Variants in RAB27B observed in about 807,000 individuals in gnomAD.
The protein encoded by RAB27B is RAB27B, member RAS oncogene family.
A neutral mutation model predicts 24.6 loss-of-function variants in RAB27B; 15 were observed. The ratio of observed to expected loss-of-function variants is 0.61; its 90% CI spans 0.41 to 0.94. RAB27B has a LOEUF of 0.94. RAB27B is among the 40% of genes least tolerant of loss of function. The pLI, the probability that RAB27B is intolerant of heterozygous loss-of-function variation, is 0.00. For synonymous variants in RAB27B, 105 were observed against 92.5 expected (o/e 1.14, Z -0.78); for missense variants, 261 against 266.8 (o/e 0.98, Z 0.15).
chr18:54,858,096 T>C (rs1189684367), intron 1 of RAB27B, among the ~76,000 whole-genome samples: 1 of 152,214 alleles, frequency 6.6e-6, no homozygotes, highest in African/African-American at 2.4e-5. Flanking sequence ...GTATTCGTCA[T>C]CGTGTAAATA....
At chr18:54,843,996 A>G (rs1268616790) in intron 1 of RAB27B, among the ~76,000 whole-genome samples, 1 of 152,200 alleles carries the variant, frequency 6.6e-6, no homozygotes, top group Admixed American at 6.5e-5. Context: ...AAGCCATCCC[A>G]TAACTCTGAG....
chr18:54,800,949 A>G (rs549531557), intron 2 of RAB27B, among the ~76,000 whole-genome samples: 68 of 151,676 alleles, frequency 4.5e-4, no homozygotes, highest in Non-Finnish European at 7.4e-4. Flanking sequence ...CAGACCACTA[A>G]ATTTTATTTT....
chr18:54,786,248 A>T (rs559354033), intron 2 of RAB27B, among the ~76,000 whole-genome samples: 1 of 152,296 alleles, frequency 6.6e-6, no homozygotes, highest in South Asian at 2.1e-4. Flanking sequence ...AATTCTAACC[A>T]ATTCCACATT....
intron 2 of RAB27B, among the ~76,000 whole-genome samples, chr18:54,721,772 A>G (rs1048562600): frequency 2.6e-5 from 4 of 152,196 alleles, no homozygotes; most frequent in Non-Finnish European, 4.4e-5. Flanking sequence ...TAACTGGAAA[A>G]TTAAAAGAGG....
At chr18:54,833,234 C>CTTTTTTTTTTTTTTT (rs559070445) in intron 1 of RAB27B, among the ~76,000 whole-genome samples, 2 of 129,518 alleles carry the variant, frequency 1.5e-5, no homozygotes, top group African/African-American at 2.9e-5. Flanking sequence ...TTCTTTCTTT[C>CTTTTTTTTTTTTTTT]TTTTTTTTTT....
At chr18:54,778,794 C>T (rs1277427028) in intron 2 of RAB27B, among the ~76,000 whole-genome samples, 1 of 152,078 alleles carries the variant, frequency 6.6e-6, no homozygotes, top group African/African-American at 2.4e-5. Flanking sequence ...TTCAGCCTAG[C>T]TTCTACTAAC....
chr18:54,827,264 G>T (rs1221853993), upstream of RAB27B, among the ~76,000 whole-genome samples: 1 of 152,202 alleles, frequency 6.6e-6, no homozygotes, highest in Admixed American at 6.5e-5. Context: ...AAAATTATAA[G>T]TATAGCCAAC....
At chr18:54,794,323 G>A (rs1353535218) in intron 2 of RAB27B, among the ~76,000 whole-genome samples, 1 of 152,090 alleles carries the variant, frequency 6.6e-6, no homozygotes, top group Non-Finnish European at 1.5e-5. Context: ...GAACACATTT[G>A]CATATTTTTC....
intron 2 of RAB27B, among the ~76,000 whole-genome samples, chr18:54,733,405 A>G (rs1909786786): frequency 1.3e-5 from 2 of 152,160 alleles, no homozygotes; most frequent in South Asian, 4.1e-4. Context: ...GGGTGCATCC[A>G]TAACATTAAT....
chr18:54,856,540 T>C (rs1385448797), intron 1 of RAB27B, among the ~76,000 whole-genome samples: 1 of 152,190 alleles, frequency 6.6e-6, no homozygotes, highest in East Asian at 1.9e-4. Context: ...ACTGGGAGCA[T>C]GGAGACAAGT....
At chr18:54,844,670 G>T (rs1212546947) in intron 1 of RAB27B, among the ~76,000 whole-genome samples, 1 of 152,110 alleles carries the variant, frequency 6.6e-6, no homozygotes, top group Non-Finnish European at 1.5e-5. Flanking sequence ...GCCTCCCAAA[G>T]TGCTGGGATT....
chr18:54,768,277 G>C (rs1353684297), intron 2 of RAB27B, among the ~76,000 whole-genome samples: 1 of 152,166 alleles, frequency 6.6e-6, no homozygotes, highest in Admixed American at 6.5e-5. Context: ...GCACAAAGGT[G>C]TTTGTAAAAT....
chr18:54,771,713 C>CA (rs1288367208), intron 2 of RAB27B, among the ~76,000 whole-genome samples: 2 of 151,854 alleles, frequency 1.3e-5, no homozygotes, highest in Admixed American at 1.3e-4. Context: ...TTTAAAAACT[C>CA]ACATTTGACT....
intron 2 of RAB27B, among the ~76,000 whole-genome samples, chr18:54,725,677 G>C (rs1321419774): frequency 1.3e-5 from 2 of 151,430 alleles, no homozygotes; most frequent in African/African-American, 4.8e-5. Context: ...CCTAGTGAAG[G>C]GGAAAGCCCC....
intron 1 of RAB27B, among the ~76,000 whole-genome samples, chr18:54,859,713 T>C (rs1911936491): frequency 6.6e-6 from 1 of 152,074 alleles, no homozygotes; most frequent in Non-Finnish European, 1.5e-5. Flanking sequence ...AGCTGGGGAG[T>C]GAAACTCGAC....
At chr18:54,784,547 A>G (rs1427577999) in intron 2 of RAB27B, among the ~76,000 whole-genome samples, 1 of 152,184 alleles carries the variant, frequency 6.6e-6, no homozygotes, top group Non-Finnish European at 1.5e-5. Context: ...TCCCGCTTGT[A>G]AGTGAGAACA....
At chr18:54,790,814 T>C (rs772514460) in intron 2 of RAB27B, among the ~76,000 whole-genome samples, 14 of 152,206 alleles carry the variant, frequency 9.2e-5, no homozygotes, top group Non-Finnish European at 2.1e-4. Flanking sequence ...GTCAACACTT[T>C]TGTAAAACAT....
In RAB27B at chr18:54,784,649, CT is replaced by C. The variant is rs145041952; in HGVS notation, c.-20+66515del. Among the ~76,000 whole-genome samples, 370 of 152,250 alleles carry C rather than the reference CT, an allele frequency of 2.4e-3. 1 individual carries two copies. Among genetic ancestry groups the C allele is most frequent in the African/African-American group, 3.7e-3 (153 of 41,558 alleles). On this transcript the variant is annotated intron_variant, in intron 2 of 4. Coordinates refer to the RAB27B transcript ENST00000586570. ...TTGCTGCACAGGATGTGATTTTGTTCTTTTTTTATGGCTGCGTAGTATTCCA... is the reference window on the plus strand; with the variant it reads ...TTGCTGCACAGGATGTGATTTTGTTCTTTTTTATGGCTGCGTAGTATTCCA...
At position 54,828,499 on chromosome 18, in the gene RAB27B, G is replaced by A. The variant is rs555467155; in HGVS notation, c.-221G>A. 6.6e-6 allele frequency: 1 copy of A among 152,438 alleles called. No homozygotes were observed. The highest frequency in any genetic ancestry group is 2.4e-5 in the African/African-American group (1 of 41,580). The allele number at this position is 152,438 out of a possible 1,614,324, so 9.4% of individuals were successfully genotyped here. A position where few individuals can be genotyped will look rare whatever the true frequency, so the allele number is the denominator to read the frequency against. The stretch of plus-strand genomic sequence containing the variant: ...GCCACTCGCAGTCCTGACGGGCAGG[G>A]GCTGCGGACCGCCCGGCCTTGGACC... On this transcript the variant is annotated 5_prime_UTR_variant, in exon 1 of 6. Coordinates refer to ENST00000262094, the MANE Select transcript of RAB27B (RefSeq NM_004163.4).
Sources: gnomAD v4.1 joint callset for allele counts (sites outside exome capture counted in the v4.1 genomes callset) on GRCh38, gnomAD v4.1.1 for gene constraint, MANE v1.5 for transcripts, NCBI Gene and HGNC (gene_info 2026-07-23, HGNC 2026-07-21) for gene names.